The following NRG3 variants were observed in gnomAD, a reference collection of about 807,000 sequenced individuals.
NRG3 encodes neuregulin 3, also known as pro-neuregulin-3, membrane-bound isoform.
Under a neutral mutation model 66.9 loss-of-function variants are expected in NRG3, and 31 were observed. The ratio of observed to expected loss-of-function variants is 0.46; its 90% CI spans 0.35 to 0.63. The LOEUF (loss-of-function observed/expected upper bound fraction) is 0.63, where lower values mean the gene tolerates loss of function less well. NRG3 is among the 20% of genes least tolerant of loss of function. The pLI is 0.00. For synonymous variants in NRG3, 393 were observed against 359.4 expected (o/e 1.09, Z -1.06); for missense variants, 910 against 878.9 (o/e 1.04, Z -0.45).
At chr10:82,741,109 C>A (rs993022749) in intron 3 of NRG3, among the ~76,000 whole-genome samples, 1 of 151,978 alleles carries the variant, frequency 6.6e-6, no homozygotes, top group Non-Finnish European at 1.5e-5. Context: ...ATGGATGAGT[C>A]CTTGAGACAC....
At chr10:82,351,724 A>T (rs192088127) in intron 1 of NRG3, among the ~76,000 whole-genome samples, 256 of 152,306 alleles carry the variant, frequency 1.7e-3, no homozygotes, top group African/African-American at 5.7e-3. Flanking sequence ...TCCAGATCAT[A>T]ATATTTCTAA....
intron 1 of NRG3, among the ~76,000 whole-genome samples, chr10:82,339,592 T>C (rs951079456): frequency 6.6e-6 from 1 of 152,166 alleles, no homozygotes; most frequent in Non-Finnish European, 1.5e-5. Flanking sequence ...AGATGAGATT[T>C]GGGTGGGGAT....
intron 1 of NRG3, among the ~76,000 whole-genome samples, chr10:82,046,044 A>G (rs1299003788): frequency 1.4e-5 from 2 of 142,100 alleles, no homozygotes; most frequent in African/African-American, 2.6e-5. Context: ...TTGACTTGGC[A>G]ATGTGGGCTC....
intron 2 of NRG3, among the ~76,000 whole-genome samples, chr10:82,598,119 A>G (rs887606844): frequency 6.6e-6 from 1 of 152,164 alleles, no homozygotes; most frequent in Non-Finnish European, 1.5e-5. Context: ...ATTTTTATAG[A>G]CAGGCCTGAA....
At chr10:82,981,730 C>A (rs1852925504) in intron 8 of NRG3, among the ~76,000 whole-genome samples, 1 of 152,154 alleles carries the variant, frequency 6.6e-6, no homozygotes, top group Admixed American at 6.5e-5. Context: ...CTTGAGGAAA[C>A]TTTGTCATGA....
intron 2 of NRG3, among the ~76,000 whole-genome samples, chr10:82,527,759 C>T (rs2132611678): frequency 6.6e-6 from 1 of 152,274 alleles, no homozygotes; most frequent in East Asian, 1.9e-4. Flanking sequence ...AAATCTCACT[C>T]TACTTGATCT....
chr10:81,923,894 G>T (rs1350497885), intron 1 of NRG3, among the ~76,000 whole-genome samples: 1 of 152,302 alleles, frequency 6.6e-6, no homozygotes, highest in Admixed American at 6.5e-5. Context: ...GGTGGCATGG[G>T]GAGAATATTT....
At chr10:82,780,798 G>C (rs2060091885) in intron 3 of NRG3, among the ~76,000 whole-genome samples, 1 of 152,050 alleles carries the variant, frequency 6.6e-6, no homozygotes, top group African/African-American at 2.4e-5. Flanking sequence ...CCCCAGGCAG[G>C]GTTATCTCCA....
intron 2 of NRG3, among the ~76,000 whole-genome samples, chr10:82,678,540 C>T (rs529262868): frequency 1.1e-4 from 16 of 152,270 alleles, no homozygotes; most frequent in African/African-American, 3.9e-4. Context: ...TGTATACGTG[C>T]AGGTCACAGG....
chr10:82,150,756 C>A (rs2070685051), intron 1 of NRG3, among the ~76,000 whole-genome samples: 2 of 152,094 alleles, frequency 1.3e-5, no homozygotes, highest in African/African-American at 4.8e-5. Flanking sequence ...ATGACCAATA[C>A]TATGCCTGTC....
At chr10:81,945,019 C>G (rs563368283) in intron 1 of NRG3, among the ~76,000 whole-genome samples, 2 of 152,198 alleles carry the variant, frequency 1.3e-5, no homozygotes, top group South Asian at 4.1e-4. Flanking sequence ...CTGGGATGAT[C>G]TCATTTCTAC....
chr10:82,258,459 T>C (rs916952490), intron 1 of NRG3, among the ~76,000 whole-genome samples: 10 of 152,220 alleles, frequency 6.6e-5, no homozygotes, highest in Admixed American at 5.9e-4. Context: ...ATGAAAAATA[T>C]GAATTCACAA....
At chr10:82,923,007 G>A (rs983966576) in intron 4 of NRG3, among the ~76,000 whole-genome samples, 12 of 152,130 alleles carry the variant, frequency 7.9e-5, no homozygotes, top group South Asian at 6.2e-4. Flanking sequence ...CATTTGACTC[G>A]GCAGGGAAAT....
At chr10:82,164,870 T>C (rs2071914717) in intron 1 of NRG3, among the ~76,000 whole-genome samples, 1 of 152,152 alleles carries the variant, frequency 6.6e-6, no homozygotes, top group Non-Finnish European at 1.5e-5. Context: ...GGATTCAAGA[T>C]ATAAATCAAC....
At chr10:82,174,449 T>C (rs567056632) in intron 1 of NRG3, among the ~76,000 whole-genome samples, 1 of 152,216 alleles carries the variant, frequency 6.6e-6, no homozygotes, top group South Asian at 2.1e-4. Flanking sequence ...CCTTTAATAA[T>C]GCTAATATGA....
intron 2 of NRG3, among the ~76,000 whole-genome samples, chr10:82,669,725 G>A (rs950740352): frequency 6.6e-6 from 1 of 152,024 alleles, no homozygotes; most frequent in African/African-American, 2.4e-5. Context: ...TCAGGAGATC[G>A]AGAGCATCCT....
In NRG3 at chr10:81,907,376, A is replaced by G. The variant is rs546732750; in HGVS notation, c.823+31213A>G. Among the ~76,000 whole-genome samples the G allele has an allele frequency of 3.3e-5, 5 of 152,330 alleles. No homozygotes were observed. In the South Asian group the frequency reaches 1.0e-3, roughly 32 times the overall value. ...TTTACTGCTTTAAGAGAAAAAAATT[A>G]TCACCACATTATAGTGGCAATTTCT... is the stretch of plus-strand genomic sequence containing the variant. On this transcript the variant is annotated intron_variant, in intron 1 of 8. Transcript: ENST00000372141.
At chr10:81,955,713 C>T (rs1200355931) in intron 1 of NRG3, among the ~76,000 whole-genome samples, 1 of 151,898 alleles carries the variant, frequency 6.6e-6, no homozygotes, top group Non-Finnish European at 1.5e-5. Context: ...TGAGTGTAGC[C>T]CTGATTTATC....
chr10:82,528,513 G>C (rs536341144), intron 2 of NRG3, among the ~76,000 whole-genome samples: 1 of 152,230 alleles, frequency 6.6e-6, no homozygotes. Context: ...TGGTTTCCAA[G>C]GTCTCCTCTA....
Sources: gnomAD v4.1 joint callset for allele counts (sites outside exome capture counted in the v4.1 genomes callset) on GRCh38, gnomAD v4.1.1 for gene constraint, MANE v1.5 for transcripts, NCBI Gene and HGNC (gene_info 2026-07-23, HGNC 2026-07-21) for gene names.